Variants in SORCS2 observed in about 807,000 individuals in gnomAD.
SORCS2 encodes the protein sortilin related VPS10 domain containing receptor 2.
In SORCS2, 100 loss-of-function variants were observed where a neutral mutation model predicts 141.6. The observed-to-expected ratio is 0.71, with a 90% CI of 0.60 to 0.83. The LOEUF is 0.83. Ranked by LOEUF, SORCS2 falls within the 40% of genes least tolerant of loss-of-function variation. The pLI, the probability that SORCS2 is intolerant of heterozygous loss-of-function variation, is 0.00. For synonymous variants in SORCS2, 789 were observed against 676.9 expected, an observed-to-expected ratio of 1.17 and a Z score of -2.57; for missense variants, 1,646 against 1,560.2, an observed-to-expected ratio of 1.05 and a Z score of -0.93.
At chr4:7,244,877 T>C (rs35520579) in intron 1 of SORCS2, among the ~76,000 whole-genome samples, 2 of 152,198 alleles carry the variant, frequency 1.3e-5, no homozygotes, top group Non-Finnish European at 2.9e-5. Flanking sequence ...GTGCTTAATA[T>C]GCCAGTCAGC....
At chr4:7,725,368 G>A in intron 20 of SORCS2, 81 bp downstream of exon 20, 2 of 1,507,184 alleles carry the variant, frequency 1.3e-6, no homozygotes, top group South Asian at 1.3e-5. Flanking sequence ...CATGGCCCCA[G>A]GTTTTCAGCA....
At chr4:7,634,260 G>A (rs891824443) in intron 3 of SORCS2, among the ~76,000 whole-genome samples, 2 of 152,116 alleles carry the variant, frequency 1.3e-5, no homozygotes, top group African/African-American at 4.8e-5. Flanking sequence ...TGTAATCCCA[G>A]CTACTGAGGA....
At chr4:7,665,475 G>A (rs75686063) in intron 7 of SORCS2, among the ~76,000 whole-genome samples, 3,733 of 152,192 alleles carry the variant, frequency 0.025, 177 homozygotes, top group African/African-American at 0.085. Flanking sequence ...GCTGTGCCTC[G>A]CTTCTCCACT....
intron 1 of SORCS2, among the ~76,000 whole-genome samples, chr4:7,234,783 G>A (rs879344123): frequency 1.4e-4 from 21 of 152,244 alleles, no homozygotes; most frequent in South Asian, 1.0e-3. Context: ...CCCTGACAGC[G>A]CAGCCTGCCA....
chr4:7,231,450 T>G (rs1009867005), intron 1 of SORCS2, among the ~76,000 whole-genome samples: 1 of 152,198 alleles, frequency 6.6e-6, no homozygotes, highest in African/African-American at 2.4e-5. Flanking sequence ...GCACATGAAA[T>G]TAACCATCAC....
chr4:7,291,512 G>C (rs1179702012), intron 1 of SORCS2, among the ~76,000 whole-genome samples: 1 of 152,174 alleles, frequency 6.6e-6, no homozygotes, highest in Non-Finnish European at 1.5e-5. Flanking sequence ...CTGGGAGAGA[G>C]AGATCACATG....
chr4:7,374,981 A>C (rs533274378), intron 1 of SORCS2, among the ~76,000 whole-genome samples: 1 of 152,136 alleles, frequency 6.6e-6, no homozygotes, highest in Non-Finnish European at 1.5e-5. Flanking sequence ...GCAAATTGAC[A>C]TTTGTATCCT....
chr4:7,307,797 A>T (rs1337881011), intron 1 of SORCS2, among the ~76,000 whole-genome samples: 2 of 151,452 alleles, frequency 1.3e-5, no homozygotes, highest in African/African-American at 4.9e-5. Flanking sequence ...GTGTGTGTGC[A>T]TGGTGTGTGT....
chr4:7,590,156 C>T (rs1024040374), intron 3 of SORCS2, among the ~76,000 whole-genome samples: 1 of 152,182 alleles, frequency 6.6e-6, no homozygotes, highest in Admixed American at 6.5e-5. Context: ...CAGGGTACTG[C>T]CTTGTTTATG....
chr4:7,380,887 G>A (rs111560895), intron 1 of SORCS2, among the ~76,000 whole-genome samples: 12,303 of 152,252 alleles, frequency 0.081, 560 homozygotes, highest in South Asian at 0.2. Context: ...ATCAAGGCCA[G>A]CCTGGCCAAC....
intron 2 of SORCS2, among the ~76,000 whole-genome samples, chr4:7,480,075 TC>T (rs1577633543): frequency 6.6e-6 from 1 of 150,950 alleles, no homozygotes; most frequent in East Asian, 2.0e-4. Flanking sequence ...GCTGAACTCC[TC>T]CTTTGGGCAG....
intron 3 of SORCS2, among the ~76,000 whole-genome samples, chr4:7,542,698 C>A (rs531914865): frequency 6.6e-6 from 1 of 152,346 alleles, no homozygotes; most frequent in East Asian, 1.9e-4. Flanking sequence ...GTCTCGGAAG[C>A]CCCAGACGCT....
chr4:7,724,150 G>GATA (rs150201814), intron 19 of SORCS2, among the ~76,000 whole-genome samples: 31,545 of 135,160 alleles, frequency 0.23, 3,578 homozygotes, highest in Admixed American at 0.39. Context: ...TGATGGTCGT[G>GATA]GTGGTGGTGG....
At chr4:7,454,827 CT>C (rs2109305560) in intron 2 of SORCS2, among the ~76,000 whole-genome samples, 4 of 99,584 alleles carry the variant, frequency 4.0e-5, no homozygotes, top group East Asian at 3.2e-4. Context: ...GTGTTGGGGT[CT>C]GGTGCTGTGT....
intron 1 of SORCS2, among the ~76,000 whole-genome samples, chr4:7,313,758 G>A (rs1161250715): frequency 6.6e-6 from 1 of 152,132 alleles, no homozygotes; most frequent in Non-Finnish European, 1.5e-5. Flanking sequence ...GTTCAGAGAC[G>A]GGCTGGATGA....
At chr4:7,428,540 G>A (rs1347384327) in intron 2 of SORCS2, among the ~76,000 whole-genome samples, 1 of 152,202 alleles carries the variant, frequency 6.6e-6, no homozygotes, top group African/African-American at 2.4e-5. Flanking sequence ...AGACAAGTGT[G>A]GAGTGGTGGT....
intron 3 of SORCS2, among the ~76,000 whole-genome samples, chr4:7,543,101 G>A (rs960122403): frequency 2.0e-5 from 3 of 152,226 alleles, no homozygotes; most frequent in Non-Finnish European, 4.4e-5. Flanking sequence ...GGGGGGCCTT[G>A]GAAACCAGGC....
chr4:7,412,641 A>T (rs6446598), intron 2 of SORCS2, among the ~76,000 whole-genome samples: 111,343 of 151,946 alleles, frequency 0.73, 40,969 homozygotes, highest in Admixed American at 0.8. Flanking sequence ...TCCCAGCTCT[A>T]GAGGATTCTC....
chr4:7,631,553 AGC>A (rs1205812955), intron 3 of SORCS2, among the ~76,000 whole-genome samples: 1 of 152,162 alleles, frequency 6.6e-6, no homozygotes, highest in African/African-American at 2.4e-5. Flanking sequence ...ACTTTGGCCC[AGC>A]CTGGGTGAGG....
Sources: gnomAD v4.1 joint callset for allele counts (sites outside exome capture counted in the v4.1 genomes callset) on GRCh38, gnomAD v4.1.1 for gene constraint, MANE v1.5 for transcripts, NCBI Gene and HGNC (gene_info 2026-07-23, HGNC 2026-07-21) for gene names.